Variants in BANK1 observed in about 807,000 individuals in gnomAD.
BANK1 encodes the protein B-cell scaffold protein with ankyrin repeats.
In BANK1, 95 loss-of-function variants were observed where a neutral mutation model predicts 94.5. That is an observed-to-expected ratio of 1.00 (90% confidence interval 0.85 to 1.19). The LOEUF (loss-of-function observed/expected upper bound fraction) is 1.19. BANK1 is among the 50% of genes most tolerant of loss of function. BANK1 has a pLI of 0.00. For missense variants in BANK1, 987 were observed against 932.2 expected (o/e 1.06, Z -0.77); for synonymous variants, 334 against 308.4 (o/e 1.08, Z -0.87).
chr4:101,877,266 C>T (rs1728525889), intron 5 of BANK1, among the ~76,000 whole-genome samples: 1 of 151,910 alleles, frequency 6.6e-6, no homozygotes, highest in Admixed American at 6.6e-5. Flanking sequence ...TCACAAACTC[C>T]CTAAGGTTAA....
chr4:101,803,997 C>CAAAAAAAAAAA (rs55704915), intron 1 of BANK1, among the ~76,000 whole-genome samples: 2 of 68,388 alleles, frequency 2.9e-5, no homozygotes, highest in African/African-American at 6.6e-5. Context: ...GACTCCGTCT[C>CAAAAAAAAAAA]AAAAAAAAAA....
chr4:101,945,149 C>A (rs546480083), intron 7 of BANK1, among the ~76,000 whole-genome samples: 1 of 152,016 alleles, frequency 6.6e-6, no homozygotes, highest in South Asian at 2.1e-4. Flanking sequence ...TTAGTTAAAT[C>A]AAAAGATGCC....
intron 7 of BANK1, among the ~76,000 whole-genome samples, chr4:102,013,117 G>GT (rs1227928687): frequency 6.6e-6 from 1 of 152,066 alleles, no homozygotes; most frequent in African/African-American, 2.4e-5. Context: ...CAAAAGCAAA[G>GT]TTTTTTGCTA....
intron 5 of BANK1, among the ~76,000 whole-genome samples, chr4:101,879,471 A>G (rs1321587232): frequency 6.6e-6 from 1 of 152,104 alleles, no homozygotes; most frequent in Non-Finnish European, 1.5e-5. Context: ...CTCAGTAAAG[A>G]AAAGCTTGTG....
Position 101,966,963 on chromosome 4 carries a change from G to T in BANK1, c.1206+48774G>T, listed in dbSNP as rs78138326. Among the ~76,000 whole-genome samples, 847 of 152,152 alleles carry T rather than the reference G, an allele frequency of 5.6e-3. 15 individuals are homozygous for T. The East Asian group carries it at 0.057, about 10-fold the overall frequency. ...TCCAGAAGGGAAATTATTAAAAGTT[G>T]TCACAAGGAAAACAAACATTTCCCA... On this transcript the variant is annotated intron_variant, in intron 7 of 16. Transcript: ENST00000322953.
intron 4 of BANK1, among the ~76,000 whole-genome samples, chr4:101,867,609 A>C (rs1728122660): frequency 6.6e-6 from 1 of 152,052 alleles, no homozygotes; most frequent in African/African-American, 2.4e-5. Flanking sequence ...GGATAAGTGA[A>C]AGTAATGACA....
At chr4:101,820,884 T>C (rs577348022) in intron 1 of BANK1, among the ~76,000 whole-genome samples, 5 of 152,332 alleles carry the variant, frequency 3.3e-5, no homozygotes, top group South Asian at 2.1e-4. Flanking sequence ...TGATGGGCTC[T>C]TAGGTTGATA....
intron 11 of BANK1, among the ~76,000 whole-genome samples, chr4:102,052,346 G>A (rs1437295043): frequency 6.6e-6 from 1 of 151,862 alleles, no homozygotes; most frequent in Non-Finnish European, 1.5e-5. Flanking sequence ...TGGATCTCTT[G>A]ACCTCATGAT....
At chr4:101,817,215 GAC>G (rs1725952146) in intron 1 of BANK1, among the ~76,000 whole-genome samples, 1 of 151,992 alleles carries the variant, frequency 6.6e-6, no homozygotes, top group South Asian at 2.1e-4. Flanking sequence ...CTATTATAAA[GAC>G]ACATGCATAT....
chr4:102,073,572 C>A, intron 15 of BANK1, 112 bp from the exon 16 acceptor site: 1 of 864,674 alleles, frequency 1.2e-6, no homozygotes, highest in Non-Finnish European at 1.8e-6. Context: ...CTCTGCAAAG[C>A]TGTTTTTCCA....
chr4:101,932,458 A>G (rs577360363), intron 7 of BANK1, among the ~76,000 whole-genome samples: 4 of 151,420 alleles, frequency 2.6e-5, no homozygotes, highest in Non-Finnish European at 5.9e-5. Context: ...TCCTGTTGTA[A>G]GTTTGTTTTC....
Position 101,934,581 on chromosome 4 carries a change from A to G in BANK1, c.1206+16392A>G, listed in dbSNP as rs527500322. On this transcript the variant is annotated intron_variant, in intron 7 of 16. Transcript: ENST00000322953. The stretch of plus-strand genomic sequence containing the variant: ...GAGATCTCCTTGTGTCATTTCTGTC[A>G]AAACAAGACAATCAAGAATTAATAA... Among the ~76,000 whole-genome samples, 3 of 151,646 alleles carry G rather than the reference A, an allele frequency of 2.0e-5. No individual in the cohort carries two copies. The East Asian group carries it at 5.9e-4, about 30-fold the overall frequency.
intron 7 of BANK1, among the ~76,000 whole-genome samples, chr4:101,936,791 C>T (rs13107723): frequency 0.074 from 11,143 of 151,330 alleles, 610 homozygotes; most frequent in East Asian, 0.19. Flanking sequence ...GGCATATATC[C>T]AAAAGACAGG....
intron 9 of BANK1, among the ~76,000 whole-genome samples, chr4:102,028,316 C>A (rs573947186): frequency 1.3e-5 from 2 of 152,220 alleles, no homozygotes; most frequent in South Asian, 4.2e-4. Flanking sequence ...AATCTTAAAA[C>A]CATATTATTC....
chr4:101,951,834 A>G (rs967012720), intron 7 of BANK1, among the ~76,000 whole-genome samples: 6 of 151,086 alleles, frequency 4.0e-5, no homozygotes, highest in African/African-American at 1.5e-4. Context: ...TTTAGTTTTT[A>G]TTTTTTGTAC....
At chr4:101,929,279 C>T (rs112919526) in intron 7 of BANK1, among the ~76,000 whole-genome samples, 7 of 151,584 alleles carry the variant, frequency 4.6e-5, no homozygotes, top group African/African-American at 1.5e-4. Context: ...TACTTTGACT[C>T]CTCTCTAAAA....
intron 7 of BANK1, among the ~76,000 whole-genome samples, chr4:101,985,306 G>C (rs1309937862): frequency 6.6e-6 from 1 of 152,094 alleles, no homozygotes; most frequent in Admixed American, 6.6e-5. Context: ...CGTTGGAGGA[G>C]GGTAATTTGC....
intron 6 of BANK1, among the ~76,000 whole-genome samples, chr4:101,903,785 C>T (rs567505338): frequency 3.9e-5 from 6 of 152,276 alleles, no homozygotes; most frequent in East Asian, 1.9e-4. Context: ...TTGATCCCTA[C>T]GTATGGTTAC....
At chr4:101,833,962 A>C (rs1471855322) in intron 2 of BANK1, among the ~76,000 whole-genome samples, 1 of 152,182 alleles carries the variant, frequency 6.6e-6, no homozygotes. Context: ...TTTAAATCAC[A>C]GTAAAGCACA....
Sources: gnomAD v4.1 joint callset for allele counts (sites outside exome capture counted in the v4.1 genomes callset) on GRCh38, gnomAD v4.1.1 for gene constraint, MANE v1.5 for transcripts, NCBI Gene and HGNC (gene_info 2026-07-23, HGNC 2026-07-21) for gene names.